Variants in CDC42BPB observed in about 807,000 individuals in gnomAD.
CDC42BPB encodes the protein CDC42 binding protein kinase beta, also known as serine/threonine-protein kinase MRCK beta.
CDC42BPB carries 37 observed loss-of-function variants against 214.9 expected under a neutral mutation model. The observed-to-expected ratio is 0.17, with a 90% confidence interval of 0.13 to 0.23. The LOEUF (loss-of-function observed/expected upper bound fraction) is 0.23, where lower values mean the gene tolerates loss of function less well. Ranked by LOEUF, CDC42BPB falls within the 10% of genes least tolerant of loss-of-function variation. CDC42BPB has a pLI of 1.00. For missense variants in CDC42BPB, 1,694 were observed against 2,227.0 expected (o/e 0.76, Z 4.82); for synonymous variants, 931 against 884.0 (o/e 1.05, Z -0.94).
Position 102,983,720 on chromosome 14 carries a change from T to G in CDC42BPB, c.727A>C (p.Ile243Leu), listed in dbSNP as rs1217960770. Residue 243 changes from isoleucine to leucine, a missense_variant, in exon 7 of 37, where the codon ATC becomes CTC. Ile to Leu is a conservative substitution (Grantham distance 5). Transcript: ENST00000361246. Reference protein sequence around the residue: ...SSVAVGTPDYISPEILQAMED... With the variant: ...SSVAVGTPDYLSPEILQAMED... ...ATCGCCTGCAGGATCTCCGGCGAGA[T>G]GTAGTCAGGTGTGCCCACGGCCACG... is the stretch of plus-strand genomic sequence containing the variant. 1 of 1,613,754 alleles carries G rather than the reference T, an allele frequency of 6.2e-7. No individual in the cohort carries two copies.
chr14:102,970,332 G>A (rs1410886256), intron 13 of CDC42BPB, 71 bp from the exon 14 acceptor site: 21 of 1,531,546 alleles, frequency 1.4e-5, no homozygotes, highest in Middle Eastern at 1.7e-4. Flanking sequence ...CAGCACCCAC[G>A]GGACCTCCAC....
intron 1 of CDC42BPB, among the ~76,000 whole-genome samples, chr14:103,053,727 A>G (rs1203148941): frequency 1.3e-5 from 2 of 149,506 alleles, no homozygotes; most frequent in Non-Finnish European, 3.0e-5. Context: ...CCGCCACTGC[A>G]CTCCAGCCTG....
chr14:102,987,775 C>CCACAAACA (rs1317885895), intron 5 of CDC42BPB, among the ~76,000 whole-genome samples: 3 of 117,684 alleles, frequency 2.5e-5, no homozygotes, highest in Non-Finnish European at 3.6e-5. Flanking sequence ...AAACAAAATC[C>CCACAAACA]CACAAACACA....
intron 1 of CDC42BPB, among the ~76,000 whole-genome samples, chr14:103,038,550 C>G (rs1156993809): frequency 6.6e-6 from 1 of 152,076 alleles, no homozygotes; most frequent in East Asian, 1.9e-4. Context: ...TTTTTTGAGA[C>G]ACAGTATCAC....
At chr14:102,937,974 G>A (rs1296350813) in intron 36 of CDC42BPB, 130 bp downstream of exon 36, 19 of 958,576 alleles carry the variant, frequency 2.0e-5, no homozygotes, top group Admixed American at 1.0e-4. Flanking sequence ...CCCTGCCCCC[G>A]TCACCCTCAC....
chr14:102,983,421 G>A, intron 7 of CDC42BPB, 135 bp downstream of exon 7: 1 of 1,358,460 alleles, frequency 7.4e-7, no homozygotes. Flanking sequence ...CCTGTCCCCA[G>A]TTTGGTCCAA....
chr14:103,053,872 A>T (rs1357741824), intron 1 of CDC42BPB, among the ~76,000 whole-genome samples: 1 of 151,248 alleles, frequency 6.6e-6, no homozygotes, highest in Non-Finnish European at 1.5e-5. Context: ...ACAGGGTCTC[A>T]CTCTGTTGCC....
rs1375076908 is a variant in CDC42BPB at position 102,967,060 on chromosome 14, C to T, written c.2457G>A (p.Ala819=). The change falls in exon 17 of 37, where the codon GCG becomes GCA. Residue 819 remains alanine, a synonymous_variant. Transcript: ENST00000361246. Reference sequence around the variant, plus strand: ...CGCGCACGTACCACTGAATGATTTCCGCAATCTGAGCTTCCCAGTGGGCCA... The same window carrying T: ...CGCGCACGTACCACTGAATGATTTCTGCAATCTGAGCTTCCCAGTGGGCCA... ...ESVAHWEAQI[A]EIIQWVSDEK... The T allele has an allele frequency of 1.1e-5, 18 of 1,613,950 alleles. No homozygotes were observed. The highest frequency in any genetic ancestry group is 2.2e-5 in the East Asian group (1 of 44,896).
chr14:102,933,937 C>A, intron 36 of CDC42BPB, 94 bp from the exon 37 acceptor site: 2 of 1,442,374 alleles, frequency 1.4e-6, no homozygotes, highest in African/African-American at 1.5e-5. Context: ...TCAGGGACAA[C>A]TGTCGCAACT....
intron 1 of CDC42BPB, among the ~76,000 whole-genome samples, chr14:103,015,191 G>T (rs1188529014): frequency 6.6e-6 from 1 of 152,212 alleles, no homozygotes; most frequent in East Asian, 1.9e-4. Flanking sequence ...CCTGTGTGCA[G>T]GCAGGAGCAA....
At chr14:103,023,792 G>A (rs1002538399) in intron 1 of CDC42BPB, among the ~76,000 whole-genome samples, 1 of 151,966 alleles carries the variant, frequency 6.6e-6, no homozygotes, top group Non-Finnish European at 1.5e-5. Context: ...CTAATATGCA[G>A]AATATATATA....
At chr14:102,974,209 A>G in intron 11 of CDC42BPB, 60 bp from the exon 12 acceptor site, 1 of 1,575,370 alleles carries the variant, frequency 6.3e-7, no homozygotes, top group Non-Finnish European at 8.6e-7. Flanking sequence ...TGTAAACTTT[A>G]TGTTAGCTGA....
chr14:102,975,659 A>T (rs1361127473), intron 11 of CDC42BPB, 25 bp downstream of exon 11: 2 of 1,610,742 alleles, frequency 1.2e-6, no homozygotes, highest in African/African-American at 2.7e-5. Flanking sequence ...ATAGAGACTA[A>T]GAAGTCACAC....
intron 34 of CDC42BPB, among the ~76,000 whole-genome samples, chr14:102,939,072 G>A (rs1595444322): frequency 6.6e-6 from 1 of 152,134 alleles, no homozygotes; most frequent in South Asian, 2.1e-4. Flanking sequence ...CAGTAGCTGG[G>A]ACTACAGGCA....
chr14:102,985,675 C>T (rs949866503), intron 6 of CDC42BPB, among the ~76,000 whole-genome samples: 4 of 152,228 alleles, frequency 2.6e-5, no homozygotes, highest in African/African-American at 7.2e-5. Flanking sequence ...CTTGAAAATC[C>T]GCCAGTAGGC....
In CDC42BPB at chr14:103,024,215, G is replaced by A. The variant is rs542013852; in HGVS notation, c.176-12027C>T. ...CTTCCTCCTGGAAGGCCTCGGACTT[G>A]TCTCTGTTTAACTGAGGCGGAAGGA... On this transcript the variant is annotated intron_variant, in intron 1 of 36. Coordinates refer to ENST00000361246, the MANE Select transcript of CDC42BPB (RefSeq NM_006035.4). Among the ~76,000 whole-genome samples, 21 of 152,314 alleles carry A rather than the reference G, an allele frequency of 1.4e-4. 1 individual carries two copies. In the South Asian group the frequency reaches 4.1e-3, roughly 30 times the overall value.
At chr14:102,950,654 C>A in intron 24 of CDC42BPB, 52 bp from the exon 25 acceptor site, 2 of 1,477,514 alleles carry the variant, frequency 1.4e-6, no homozygotes, top group African/African-American at 1.4e-5. Flanking sequence ...ACAGAGAAGT[C>A]ACTGCAGAAC....
In CDC42BPB at chr14:102,940,283, C is replaced by T. The variant is rs1359290677; in HGVS notation, c.4450G>A (p.Val1484Met). 8.8e-6 allele frequency: 14 copies of T among 1,590,114 alleles called. No individual in the cohort carries two copies. The highest frequency in any genetic ancestry group is 2.3e-5 in the East Asian group (1 of 43,838). Residue 1484 changes from valine to methionine, a missense_variant, in exon 31 of 37, where the codon GTG (valine) becomes ATG (methionine). Val to Met is a conservative substitution (Grantham distance 21). Coordinates refer to ENST00000361246, the MANE Select transcript of CDC42BPB (RefSeq NM_006035.4). Reference protein sequence around the residue: ...THVTVYSEYGVDVFDVRTMEW... With the variant: ...THVTVYSEYGMDVFDVRTMEW... Reference sequence around the variant, plus strand: ...ATGGTGCGCACATCAAAGACGTCCACGCCATACTCGCTGTACACCGTGACG... The same window carrying T: ...ATGGTGCGCACATCAAAGACGTCCATGCCATACTCGCTGTACACCGTGACG...
At chr14:102,970,896 GAA>G (rs771911188) in intron 13 of CDC42BPB, among the ~76,000 whole-genome samples, 3 of 152,234 alleles carry the variant, frequency 2.0e-5, no homozygotes, top group Non-Finnish European at 4.4e-5. Flanking sequence ...AACTTGAAAG[GAA>G]CAGGAGCATG....
Sources: gnomAD v4.1 joint callset for allele counts (sites outside exome capture counted in the v4.1 genomes callset) on GRCh38, gnomAD v4.1.1 for gene constraint, MANE v1.5 for transcripts, NCBI Gene and HGNC (gene_info 2026-07-23, HGNC 2026-07-21) for gene names.